Variants in SYN2 observed in about 807,000 individuals in gnomAD.
SYN2 encodes the protein synapsin II.
In SYN2, 19 loss-of-function variants were observed where a neutral mutation model predicts 50.9. The ratio of observed to expected loss-of-function variants is 0.37; its 90% confidence interval spans 0.26 to 0.55. The LOEUF (loss-of-function observed/expected upper bound fraction) is 0.55. Ranked by LOEUF, SYN2 falls within the 20% of genes least tolerant of loss-of-function variation. The pLI is 0.81. For missense variants in SYN2, 587 were observed against 576.4 expected, an observed-to-expected ratio of 1.02 and a Z score of -0.19; for synonymous variants, 255 against 224.9, an observed-to-expected ratio of 1.13 and a Z score of -1.20.
intron 1 of SYN2, among the ~76,000 whole-genome samples, chr3:12,130,052 G>C (rs1293030764): frequency 6.6e-6 from 1 of 152,076 alleles, no homozygotes; most frequent in Admixed American, 6.6e-5. Flanking sequence ...CCTTGATCTG[G>C]ACTTTCTAGC....
chr3:12,054,574 T>A (rs967741706), intron 1 of SYN2, among the ~76,000 whole-genome samples: 2 of 152,086 alleles, frequency 1.3e-5, no homozygotes, highest in African/African-American at 4.8e-5. Context: ...AATTCTCCCC[T>A]CTCTGATCCC....
chr3:12,116,255 G>A (rs1215243957), intron 1 of SYN2, among the ~76,000 whole-genome samples: 3 of 152,178 alleles, frequency 2.0e-5, no homozygotes, highest in Non-Finnish European at 4.4e-5. Context: ...TGAAACTAGG[G>A]ATTTTTGTAA....
At chr3:12,125,717 C>T (rs1696654146) in intron 1 of SYN2, among the ~76,000 whole-genome samples, 1 of 151,898 alleles carries the variant, frequency 6.6e-6, no homozygotes, top group South Asian at 2.1e-4. Flanking sequence ...GTTCACTGTC[C>T]CAGACAGGAT....
chr3:12,173,902 T>C (rs917758634), intron 10 of SYN2, among the ~76,000 whole-genome samples: 3 of 152,172 alleles, frequency 2.0e-5, no homozygotes, highest in African/African-American at 7.2e-5. Context: ...AGCAGGACTG[T>C]GTCTCAAAAA....
At chr3:12,101,447 A>G (rs1696073862) in intron 1 of SYN2, among the ~76,000 whole-genome samples, 1 of 152,170 alleles carries the variant, frequency 6.6e-6, no homozygotes, top group Non-Finnish European at 1.5e-5. Context: ...AAATTTACAG[A>G]GACAAAATAA....
intron 1 of SYN2, among the ~76,000 whole-genome samples, chr3:12,098,318 C>T (rs534346171): frequency 2.0e-5 from 3 of 152,100 alleles, no homozygotes; most frequent in African/African-American, 7.2e-5. Flanking sequence ...TTAAAACATT[C>T]CTAGATGTAC....
intron 5 of SYN2, chr3:12,153,721 A>G: frequency 6.2e-7 from 1 of 1,614,124 alleles, no homozygotes. Context: ...ATCTAGAGTC[A>G]TGGCCACACA....
chr3:12,186,569 T>C (rs946197370), intron 11 of SYN2, among the ~76,000 whole-genome samples: 2 of 152,200 alleles, frequency 1.3e-5, no homozygotes, highest in Non-Finnish European at 2.9e-5. Context: ...TTCATCCTGC[T>C]AGAACCCCTT....
chr3:12,149,429 C>T (rs919491399), intron 4 of SYN2, among the ~76,000 whole-genome samples: 2 of 152,164 alleles, frequency 1.3e-5, no homozygotes, highest in Non-Finnish European at 2.9e-5. Context: ...TCTGAGGGTT[C>T]GTTCTTGACA....
At chr3:12,034,974 A>G (rs1313489732) in intron 1 of SYN2, among the ~76,000 whole-genome samples, 1 of 152,218 alleles carries the variant, frequency 6.6e-6, no homozygotes, top group Non-Finnish European at 1.5e-5. Flanking sequence ...CTCAAGGCAC[A>G]GTTCATCCCG....
chr3:12,125,576 A>G (rs1696651841), intron 1 of SYN2, among the ~76,000 whole-genome samples: 1 of 152,192 alleles, frequency 6.6e-6, no homozygotes, highest in Non-Finnish European at 1.5e-5. Context: ...ATTATCATGC[A>G]CTAAGAACAT....
chr3:12,081,961 G>T (rs560272433), intron 1 of SYN2, among the ~76,000 whole-genome samples: 1 of 152,132 alleles, frequency 6.6e-6, no homozygotes, highest in Non-Finnish European at 1.5e-5. Context: ...ACCAATGGGC[G>T]GAAACTAAGG....
At chr3:12,165,492 A>T (rs973740911) in intron 7 of SYN2, 1 of 152,232 alleles carries the variant, frequency 6.6e-6, no homozygotes, top group Non-Finnish European at 1.5e-5. Flanking sequence ...TTCACATTGT[A>T]TATGCATCAG....
At chr3:12,100,447 T>C (rs1017784565) in intron 1 of SYN2, among the ~76,000 whole-genome samples, 1 of 152,150 alleles carries the variant, frequency 6.6e-6, no homozygotes, top group East Asian at 1.9e-4. Flanking sequence ...AGAATGAGAT[T>C]GGAACCCTAT....
intron 1 of SYN2, among the ~76,000 whole-genome samples, chr3:12,087,183 TTA>T (rs1695720771): frequency 6.6e-6 from 1 of 152,100 alleles, no homozygotes; most frequent in Non-Finnish European, 1.5e-5. Flanking sequence ...ATATCAAAAA[TTA>T]TAAAACATTG....
Position 12,161,554 on chromosome 3 carries a change from G to A in SYN2, c.783G>A (p.Leu261=). 2 of 1,613,994 alleles carry A rather than the reference G, an allele frequency of 1.2e-6. No homozygotes were observed. Among genetic ancestry groups the A allele is most frequent in the Non-Finnish European group, 1.7e-6 (2 of 1,179,884 alleles). ...TTCTCTTCTGATTTCAGCTGACACT[G>A]CCCACGTTCCCTGTGGTGGTGAAGA... is the stretch of plus-strand genomic sequence containing the variant. ...YYPNHKEMLT[L]PTFPVVVKIG... The change falls in exon 6 of 13, where the codon CTG becomes CTA. Residue 261 remains leucine (L), a synonymous_variant. Transcript: ENST00000621198.
At chr3:12,004,994 C>T (rs1358288693) in intron 1 of SYN2, 66 bp downstream of exon 1, 5 of 430,886 alleles carry the variant, frequency 1.2e-5, no homozygotes, top group Non-Finnish European at 2.0e-5. Flanking sequence ...CAGGAGAGGA[C>T]GGTCCCAGGT....
chr3:12,076,426 G>A (rs557993161), intron 1 of SYN2, among the ~76,000 whole-genome samples: 13 of 151,666 alleles, frequency 8.6e-5, no homozygotes, highest in East Asian at 1.9e-4. Flanking sequence ...TTTTGATTAC[G>A]GTAACATGAT....
chr3:12,038,888 G>A (rs889659111), intron 1 of SYN2, among the ~76,000 whole-genome samples: 5 of 152,000 alleles, frequency 3.3e-5, no homozygotes, highest in Non-Finnish European at 7.4e-5. Context: ...TTTCCAATTC[G>A]GATGCCTTTA....
Sources: allele counts gnomAD v4.1 joint callset (sites outside exome capture counted in the v4.1 genomes callset), GRCh38; gene constraint gnomAD v4.1.1; transcripts MANE v1.5; gene names NCBI Gene and HGNC (gene_info 2026-07-23, HGNC 2026-07-21).